ZMYND11: variants seen among roughly 807,000 people sequenced by gnomAD.
The protein encoded by ZMYND11 is zinc finger MYND-type containing 11.
ZMYND11 carries 9 observed loss-of-function variants against 84.9 expected under a neutral mutation model. That is an observed-to-expected ratio of 0.11 (90% CI 0.06 to 0.18). The LOEUF is 0.18. ZMYND11 is among the 10% of genes least tolerant of loss of function. The pLI is 1.00. For synonymous variants in ZMYND11, 250 were observed against 244.1 expected (o/e 1.02, Z -0.23); for missense variants, 409 against 761.0 (o/e 0.54, Z 5.44).
chr10:138,896 T>C (rs1308396263), intron 1 of ZMYND11, among the ~76,000 whole-genome samples: 7 of 152,316 alleles, frequency 4.6e-5, no homozygotes, highest in Admixed American at 4.6e-4. Context: ...CAGGCTGGAG[T>C]GCAGTGGCAC....
At chr10:209,167 CGAA>C in intron 2 of ZMYND11, among the ~76,000 whole-genome samples, 1 of 151,606 alleles carries the variant, frequency 6.6e-6, no homozygotes, top group African/African-American at 2.4e-5. Flanking sequence ...GCAAATATGC[CGAA>C]TATTAACATG....
chr10:151,159 C>A (rs1554756902), intron 1 of ZMYND11, among the ~76,000 whole-genome samples: 1 of 152,122 alleles, frequency 6.6e-6, no homozygotes, highest in Non-Finnish European at 1.5e-5. Flanking sequence ...AATCAGAGCA[C>A]CTCTCCCCCT....
At chr10:142,331 G>A (rs139024995) in intron 1 of ZMYND11, among the ~76,000 whole-genome samples, 170 of 152,242 alleles carry the variant, frequency 1.1e-3, no homozygotes, top group African/African-American at 3.8e-3. Flanking sequence ...GAGCTCAAGC[G>A]AACCACCTGA....
At chr10:190,259 C>T (rs1159876566) in intron 2 of ZMYND11, among the ~76,000 whole-genome samples, 2 of 152,108 alleles carry the variant, frequency 1.3e-5, no homozygotes, top group African/African-American at 4.8e-5. Flanking sequence ...TTCTTCCCAT[C>T]GTTGGTGTTA....
intron 2 of ZMYND11, among the ~76,000 whole-genome samples, chr10:198,289 C>T (rs1942279214): frequency 6.6e-6 from 1 of 151,878 alleles, no homozygotes; most frequent in Non-Finnish European, 1.5e-5. Context: ...TTTTACTTTA[C>T]CAGTTTAAAT....
In ZMYND11 at chr10:253,678, T is replaced by A. The variant is rs1953912471; in HGVS notation, c.*1208T>A. 1 of 152,618 alleles carries A rather than the reference T, an allele frequency of 6.6e-6. No individual in the cohort carries two copies. The highest frequency in any genetic ancestry group is 1.5e-5 in the Non-Finnish European group (1 of 68,044). The allele number at this position is 152,618 out of a possible 1,614,324, so 9.5% of individuals were successfully genotyped here. On this transcript the variant is annotated 3_prime_UTR_variant, in exon 15 of 15. Transcript: ENST00000381604. ...CTTTTCTTTTAAAATATCTCACAAT[T>A]TATGTGGTATTTTTAAAGACTGATC...
intron 4 of ZMYND11, among the ~76,000 whole-genome samples, chr10:235,827 A>C (rs761132520): frequency 6.6e-6 from 1 of 152,240 alleles, no homozygotes; most frequent in Non-Finnish European, 1.5e-5. Flanking sequence ...TTTCTCACTA[A>C]TAAAATGTGT....
intron 12 of ZMYND11, among the ~76,000 whole-genome samples, chr10:247,899 CTG>C (rs1028738894): frequency 2.0e-5 from 3 of 152,174 alleles, no homozygotes; most frequent in African/African-American, 4.8e-5. Context: ...TGTTTTAAAA[CTG>C]TAAATCTGGG....
At chr10:202,476 T>C (rs1943378067) in intron 2 of ZMYND11, among the ~76,000 whole-genome samples, 1 of 152,186 alleles carries the variant, frequency 6.6e-6, no homozygotes, top group Non-Finnish European at 1.5e-5. Flanking sequence ...ATGACACTTC[T>C]AATATATACT....
chr10:169,514 T>A (rs1554765025), intron 1 of ZMYND11, among the ~76,000 whole-genome samples: 2 of 152,168 alleles, frequency 1.3e-5, no homozygotes. Flanking sequence ...TATTAAAAAC[T>A]ATGATTAAAA....
chr10:165,042 A>T (rs542631855), intron 1 of ZMYND11, among the ~76,000 whole-genome samples: 1 of 152,060 alleles, frequency 6.6e-6, no homozygotes, highest in Admixed American at 6.6e-5. Context: ...CTTTCCGGCT[A>T]CTTTTCCATC....
rs368450262 is a variant in ZMYND11 at position 240,880 on chromosome 10, T to G, written c.754-13T>G. The G allele has an allele frequency of 8.7e-6, 14 of 1,608,736 alleles. No individual in the cohort carries two copies. In the African/African-American group the frequency reaches 1.3e-4, roughly 15 times the overall value. The stretch of plus-strand genomic sequence containing the variant: ...ATTTTATGTAGGCTAAAGTAGTTTC[T>G]TTTCTTTTTCAGCTGGATGAACTGC... On this transcript the variant is annotated splice_polypyrimidine_tract_variant and intron_variant, in intron 8 of 14. Coordinates refer to ENST00000381604, the MANE Select transcript of ZMYND11 (RefSeq NM_001370100.5).
chr10:247,079 CCT>C, intron 11 of ZMYND11, 106 bp downstream of exon 11: 1 of 1,199,010 alleles, frequency 8.3e-7, no homozygotes, highest in Non-Finnish European at 1.2e-6. Context: ...GTTCTCCTTC[CCT>C]TTTTTACATT....
At chr10:185,996 A>G (rs1938287321) in intron 2 of ZMYND11, among the ~76,000 whole-genome samples, 1 of 151,692 alleles carries the variant, frequency 6.6e-6, no homozygotes, top group African/African-American at 2.4e-5. Flanking sequence ...ATCATCTTCA[A>G]ACACAGGATT....
chr10:187,429 T>C lies in ZMYND11; in HGVS notation c.116+7301T>C, dbSNP rs559940204. 7.9e-5 allele frequency among the ~76,000 whole-genome samples: 12 copies of C among 151,678 alleles called. No homozygotes were observed. The East Asian group carries it at 2.3e-3, about 30-fold the overall frequency. ...GCGGGCGGATCACAAGGTCAGGAGA[T>C]CGAGACCATCTTGGCTAACACGGTG... On this transcript the variant is annotated intron_variant, in intron 2 of 14. Coordinates refer to ENST00000381604, the MANE Select transcript of ZMYND11 (RefSeq NM_001370100.5).
rs369444410 is a variant in ZMYND11, at chr10:248,193, T to A, written c.1228-143T>A. ...ATTGTGGCAAAATATACGTGACATC[T>A]ACCACCCTAACTACATTTTTCAACA... On this transcript the variant is annotated intron_variant, in intron 12 of 14. Transcript: ENST00000381604. 144 of 1,037,570 alleles carry A rather than the reference T, an allele frequency of 1.4e-4. 2 individuals carry two copies. Among genetic ancestry groups the A allele is most frequent in the East Asian group, 1.1e-3 (44 of 40,290 alleles). 64.3% of individuals were successfully genotyped at this position (1,037,570 alleles called of 1,614,324 possible).
At chr10:206,846 TTTA>T (rs1489799818) in intron 2 of ZMYND11, among the ~76,000 whole-genome samples, 4 of 152,188 alleles carry the variant, frequency 2.6e-5, no homozygotes, top group East Asian at 1.9e-4. Flanking sequence ...TTTTAATTTT[TTTA>T]TTATTATTAT....
chr10:159,990 T>C (rs1842608985), intron 1 of ZMYND11, among the ~76,000 whole-genome samples: 1 of 152,240 alleles, frequency 6.6e-6, no homozygotes, highest in East Asian at 1.9e-4. Context: ...TCTTATGTAA[T>C]TGCATTGGTA....
chr10:222,786 A>G (rs1408649858), intron 4 of ZMYND11, among the ~76,000 whole-genome samples: 2 of 151,844 alleles, frequency 1.3e-5, no homozygotes, highest in African/African-American at 4.8e-5. Context: ...AGCTCTGGGT[A>G]TGTCTGTGTC....
Sources: gnomAD v4.1 joint callset for allele counts (sites outside exome capture counted in the v4.1 genomes callset) on GRCh38, gnomAD v4.1.1 for gene constraint, MANE v1.5 for transcripts, NCBI Gene and HGNC (gene_info 2026-07-23, HGNC 2026-07-21) for gene names.